SORCS1: variants seen among roughly 807,000 people sequenced by gnomAD.
The protein encoded by SORCS1 is VPS10 domain-containing receptor SorCS1.
In SORCS1, 60 loss-of-function variants were observed where a neutral mutation model predicts 146.1. The observed-to-expected ratio is 0.41, with a 90% CI of 0.33 to 0.51. The LOEUF is 0.51. Ranked by LOEUF, SORCS1 falls within the 20% of genes least tolerant of loss-of-function variation. The probability of loss-of-function intolerance (pLI) is 0.21; values close to 1 mark genes in which losing one functional copy is unlikely to be tolerated. For missense variants in SORCS1, 1,352 were observed against 1,487.6 expected, an observed-to-expected ratio of 0.91 and a Z score of 1.50; for synonymous variants, 637 against 584.0, an observed-to-expected ratio of 1.09 and a Z score of -1.31.
intron 2 of SORCS1, among the ~76,000 whole-genome samples, chr10:106,861,983 C>T (rs1370431564): frequency 6.6e-6 from 1 of 152,152 alleles, no homozygotes; most frequent in African/African-American, 2.4e-5. Flanking sequence ...GATTTTCAGT[C>T]TCATAAGATA....
chr10:106,801,623 A>G (rs781308694), intron 3 of SORCS1, among the ~76,000 whole-genome samples: 107 of 142,214 alleles, frequency 7.5e-4, no homozygotes, highest in Admixed American at 1.2e-3. Flanking sequence ...TCCGCCTCCC[A>G]GGTTCACGCC....
chr10:107,086,527 A>C (rs1963774298), intron 1 of SORCS1, among the ~76,000 whole-genome samples: 1 of 152,230 alleles, frequency 6.6e-6, no homozygotes, highest in Non-Finnish European at 1.5e-5. Flanking sequence ...GTAGGTCTAG[A>C]TTCAACATTT....
chr10:107,119,709 T>C (rs760780159), intron 1 of SORCS1, among the ~76,000 whole-genome samples: 139 of 152,328 alleles, frequency 9.1e-4, no homozygotes, highest in Non-Finnish European at 1.5e-3. Context: ...AACCTAGTTG[T>C]CCATGTCATG....
At chr10:106,867,484 C>T (rs529291132) in intron 2 of SORCS1, among the ~76,000 whole-genome samples, 149 of 152,092 alleles carry the variant, frequency 9.8e-4, no homozygotes, top group African/African-American at 3.3e-3. Context: ...TGGGTTTCAC[C>T]GTGTTAGCCA....
intron 3 of SORCS1, among the ~76,000 whole-genome samples, chr10:106,828,842 T>C (rs1003595326): frequency 6.6e-6 from 1 of 152,194 alleles, no homozygotes; most frequent in Non-Finnish European, 1.5e-5. Flanking sequence ...GCTCTCATAA[T>C]AGGAGATGTA....
At chr10:106,618,103 C>T in intron 21 of SORCS1, 46 bp downstream of exon 21, 1 of 1,610,792 alleles carries the variant, frequency 6.2e-7, no homozygotes, top group Non-Finnish European at 8.5e-7. Flanking sequence ...AGAGAACCTC[C>T]TCTGAGCATG....
chr10:107,073,861 C>G (rs1306826812), intron 1 of SORCS1, among the ~76,000 whole-genome samples: 1 of 152,044 alleles, frequency 6.6e-6, no homozygotes, highest in Non-Finnish European at 1.5e-5. Context: ...AACATTTCAC[C>G]TGGGCTTGGA....
At chr10:106,578,333 A>G (rs888517026) in intron 25 of SORCS1, 1 of 146,594 alleles carries the variant, frequency 6.8e-6, no homozygotes, top group African/African-American at 2.4e-5. Flanking sequence ...TCCCATGCCT[A>G]CTTCACAGGC....
chr10:106,792,742 T>A (rs545563586), intron 3 of SORCS1, among the ~76,000 whole-genome samples: 2 of 152,364 alleles, frequency 1.3e-5, no homozygotes, highest in Non-Finnish European at 2.9e-5. Context: ...ATTCTCTCTT[T>A]GACACACGTT....
chr10:107,103,516 C>T (rs1965093197), intron 1 of SORCS1, among the ~76,000 whole-genome samples: 1 of 152,216 alleles, frequency 6.6e-6, no homozygotes, highest in African/African-American at 2.4e-5. Flanking sequence ...TCCAAAAATA[C>T]TGATTTTGAT....
intron 2 of SORCS1, among the ~76,000 whole-genome samples, chr10:106,915,365 T>C (rs756713325): frequency 2.5e-4 from 38 of 152,172 alleles, no homozygotes; most frequent in Non-Finnish European, 2.9e-5. Flanking sequence ...AATAAAACCT[T>C]AGCTTATGCA....
chr10:106,978,493 A>C (rs1956125983), intron 1 of SORCS1, among the ~76,000 whole-genome samples: 1 of 152,134 alleles, frequency 6.6e-6, no homozygotes, highest in Admixed American at 6.5e-5. Context: ...CAAGTATTAA[A>C]GTTTTTCTTA....
At chr10:106,924,464 TCG>T (rs1952889093) in intron 2 of SORCS1, among the ~76,000 whole-genome samples, 4 of 77,620 alleles carry the variant, frequency 5.2e-5, no homozygotes, top group Non-Finnish European at 1.3e-4. Context: ...TCCACAGTTA[TCG>T]ATCTATCTAT....
At chr10:106,798,972 T>G (rs1355899209) in intron 3 of SORCS1, among the ~76,000 whole-genome samples, 3 of 152,220 alleles carry the variant, frequency 2.0e-5, no homozygotes, top group East Asian at 3.9e-4. Flanking sequence ...CTACCTGACT[T>G]CAAACTATAC....
chr10:106,866,032 C>CAA (rs60499735), intron 2 of SORCS1, among the ~76,000 whole-genome samples: 2,367 of 95,096 alleles, frequency 0.025, 69 homozygotes, highest in East Asian at 0.15. Flanking sequence ...GATTCCGTCT[C>CAA]AAAAAAAAAA....
At chr10:106,850,443 C>T (rs1290205837) in intron 2 of SORCS1, among the ~76,000 whole-genome samples, 1 of 152,068 alleles carries the variant, frequency 6.6e-6, no homozygotes, top group East Asian at 1.9e-4. Flanking sequence ...CCTGCTTCGG[C>T]TCGCACACGG....
chr10:106,649,224 T>C (rs1480899422), intron 18 of SORCS1, among the ~76,000 whole-genome samples: 1 of 152,146 alleles, frequency 6.6e-6, no homozygotes, highest in Non-Finnish European at 1.5e-5. Flanking sequence ...AGACAAGCTG[T>C]CTACAGACCG....
chr10:107,165,481 C>T (rs1970022499), upstream of SORCS1, among the ~76,000 whole-genome samples: 1 of 152,108 alleles, frequency 6.6e-6, no homozygotes, highest in Non-Finnish European at 1.5e-5. This position sits in a 1 kb window ranked among gnomAD's most constrained non-coding sequence, Gnocchi z 4.0. Flanking sequence ...ATCTTGGTTT[C>T]CCTAAGAGAC....
At chr10:106,739,651 CAA>C (rs1186142269) in intron 5 of SORCS1, among the ~76,000 whole-genome samples, 4 of 149,106 alleles carry the variant, frequency 2.7e-5, no homozygotes, top group Admixed American at 6.6e-5. Flanking sequence ...ACTAAAAATA[CAA>C]AAAAAATATA....
Sources: allele counts gnomAD v4.1 joint callset (sites outside exome capture counted in the v4.1 genomes callset), GRCh38; gene constraint gnomAD v4.1.1; non-coding constraint Gnocchi (gnomAD v3.1); transcripts MANE v1.5; gene names NCBI Gene and HGNC (gene_info 2026-07-23, HGNC 2026-07-21).